GLYAT: variants seen among roughly 807,000 people sequenced by gnomAD.
The protein encoded by GLYAT is glycine N-acyltransferase.
Under a neutral mutation model 22.8 loss-of-function variants are expected in GLYAT, and 25 were observed. The ratio of observed to expected loss-of-function variants is 1.09; its 90% CI spans 0.80 to 1.53. The LOEUF is 1.53. GLYAT is among the 40% of genes most tolerant of loss of function. The pLI, the probability that GLYAT is intolerant of heterozygous loss-of-function variation, is 0.00. For synonymous variants in GLYAT, 140 were observed against 122.7 expected (o/e 1.14, Z -0.93); for missense variants, 411 against 353.9 (o/e 1.16, Z -1.29).
chr11:58,711,074 C>T (rs1388161104), intron 4 of GLYAT, among the ~76,000 whole-genome samples: 3 of 152,180 alleles, frequency 2.0e-5, no homozygotes, highest in African/African-American at 7.2e-5. Flanking sequence ...GTTCTTAGCT[C>T]CCACAGTTTA....
intron 3 of GLYAT, among the ~76,000 whole-genome samples, chr11:58,714,614 A>G (rs1856656824): frequency 6.6e-6 from 1 of 152,084 alleles, no homozygotes. Context: ...CAATTGAATC[A>G]TTGGGGTGGT....
At chr11:58,712,505 G>A (rs1856628396) in intron 4 of GLYAT, among the ~76,000 whole-genome samples, 1 of 152,036 alleles carries the variant, frequency 6.6e-6, no homozygotes. Flanking sequence ...TAAAAGGTCT[G>A]GATACAGCTG....
intron 2 of GLYAT, among the ~76,000 whole-genome samples, chr11:58,721,967 G>T (rs1335022404): frequency 6.6e-6 from 1 of 152,032 alleles, no homozygotes; most frequent in East Asian, 1.9e-4. Flanking sequence ...AGCACCGTAA[G>T]TGTAAGCAGA....
In GLYAT at chr11:58,724,223, T is replaced by C. The variant is rs1204642766; in HGVS notation, c.81+193A>G. 4 of 479,290 alleles carry C rather than the reference T, an allele frequency of 8.3e-6. No homozygotes were observed. The Admixed American group carries it at 1.5e-4, about 18-fold the overall frequency. The allele number at this position is 479,290 out of a possible 1,614,324, so 29.7% of individuals were successfully genotyped here. On this transcript the variant is annotated intron_variant, in intron 2 of 5. Transcript: ENST00000344743. ...TGATATATTGAGAAAATCAGTTAAC[T>C]GAGTCTTCATTTTCTTAACAGCAAC... is the stretch of plus-strand genomic sequence containing the variant.
At chr11:58,711,228 A>C (rs988877644) in intron 4 of GLYAT, among the ~76,000 whole-genome samples, 3 of 152,076 alleles carry the variant, frequency 2.0e-5, no homozygotes, top group Non-Finnish European at 4.4e-5. Flanking sequence ...CTCTGCCTTT[A>C]TCTCTTTTAA....
At chr11:58,730,785 C>G (rs1490265152) in intron 1 of GLYAT, among the ~76,000 whole-genome samples, 1 of 152,144 alleles carries the variant, frequency 6.6e-6, no homozygotes, top group Non-Finnish European at 1.5e-5. Context: ...AAAACAAAAA[C>G]TCTAAACAGA....
At chr11:58,729,371 T>TTA (rs1293193765) in intron 1 of GLYAT, among the ~76,000 whole-genome samples, 1 of 152,206 alleles carries the variant, frequency 6.6e-6, no homozygotes, top group Non-Finnish European at 1.5e-5. Context: ...CATATTTTAA[T>TTA]TATATAACTT....
rs566710444 is a variant in GLYAT, at chr11:58,717,888, A to G, written c.82-2465T>C. Among the ~76,000 whole-genome samples, 171 of 152,214 alleles carry G rather than the reference A, an allele frequency of 1.1e-3. 1 individual carries two copies. Among genetic ancestry groups the G allele is most frequent in the Non-Finnish European group, 2.1e-3 (146 of 67,960 alleles). Reference sequence around the variant, plus strand: ...TGTTCCATAGGAGGAGTCTCAGATAAGACTTTTTATAGCAAAACCTAGCCA... The same window carrying G: ...TGTTCCATAGGAGGAGTCTCAGATAGGACTTTTTATAGCAAAACCTAGCCA... On this transcript the variant is annotated intron_variant, in intron 2 of 5. Coordinates refer to ENST00000344743, the MANE Select transcript of GLYAT (RefSeq NM_201648.3).
chr11:58,710,340 A>G, intron 5 of GLYAT, 172 bp from the exon 6 acceptor site: 7 of 1,166,670 alleles, frequency 6.0e-6, no homozygotes, highest in Admixed American at 2.9e-5. Context: ...GAGCTGTTGG[A>G]GGAAGAAAGC....
Position 58,724,411 on chromosome 11 carries a change from A to G in GLYAT, c.81+5T>C, listed in dbSNP as rs773015018. ...TTTACTCCTCTCAGAATTTTCCATTATCACCTTTAAGGATGCTGGGAGGCT... is the reference window on the plus strand; with the variant it reads ...TTTACTCCTCTCAGAATTTTCCATTGTCACCTTTAAGGATGCTGGGAGGCT... On this transcript the variant is annotated splice_donor_5th_base_variant and intron_variant, in intron 2 of 5. Coordinates refer to ENST00000344743, the MANE Select transcript of GLYAT (RefSeq NM_201648.3). 13 of 1,552,698 alleles carry G rather than the reference A, an allele frequency of 8.4e-6. No homozygotes were observed. In the Admixed American group the frequency reaches 2.2e-4, roughly 27 times the overall value.
rs764065433 is a variant in GLYAT at position 58,709,788 on chromosome 11, T to G, written c.869A>C (p.Gln290Pro). The stretch of plus-strand genomic sequence containing the variant: ...GCATCACAGAGGTACACAGTTCCAC[T>G]GGTTCCAGCTTCTGGGAATGGGAAC... The part of the protein sequence containing the change: ...QHVPIPRSWN[Q>P]WNCVPL Residue 290 changes from glutamine (Q) to proline (P), a missense_variant, in exon 6 of 6, where the codon CAG (glutamine) becomes CCG (proline). Transcript: ENST00000344743. 1.9e-6 allele frequency: 3 copies of G among 1,612,458 alleles called. No homozygotes were observed. The highest frequency in any genetic ancestry group is 2.2e-5 in the East Asian group (1 of 44,882).
chr11:58,711,906 C>T (rs930955527), intron 4 of GLYAT, among the ~76,000 whole-genome samples: 1 of 152,210 alleles, frequency 6.6e-6, no homozygotes, highest in Admixed American at 6.5e-5. Flanking sequence ...TATGTTAAGA[C>T]CAATACCATT....
Position 58,731,837 on chromosome 11 carries a change from G to A in GLYAT, c.-18C>T, listed in dbSNP as rs1204555345. ...GATACTTTGTAATGAGTCCTCACCT[G>A]AAAAGCTAGTCTCTGCAGATGTTTC... On this transcript the variant is annotated splice_region_variant and 5_prime_UTR_variant, in exon 1 of 6. Transcript: ENST00000344743. 17 of 152,098 alleles carry A rather than the reference G, an allele frequency of 1.1e-4. No homozygotes were observed. Among genetic ancestry groups the A allele is most frequent in the Non-Finnish European group, 1.2e-4 (8 of 68,010 alleles). The allele number at this position is 152,098 out of a possible 1,614,324, so 9.4% of individuals were successfully genotyped here. A position where few individuals can be genotyped will look rare whatever the true frequency, so the allele number is the denominator to read the frequency against.
intron 2 of GLYAT, among the ~76,000 whole-genome samples, chr11:58,722,020 A>G (rs1265945783): frequency 6.6e-6 from 1 of 152,098 alleles, no homozygotes; most frequent in African/African-American, 2.4e-5. Flanking sequence ...TTAGTTGTGT[A>G]AAAAGTAAAG....
chr11:58,711,904 G>A (rs140360022), intron 4 of GLYAT, among the ~76,000 whole-genome samples: 255 of 152,322 alleles, frequency 1.7e-3, no homozygotes, highest in African/African-American at 5.5e-3. Flanking sequence ...ATTATGTTAA[G>A]ACCAATACCA....
chr11:58,715,695 G>A (rs1856671647), intron 2 of GLYAT, among the ~76,000 whole-genome samples: 1 of 152,032 alleles, frequency 6.6e-6, no homozygotes, highest in Non-Finnish European at 1.5e-5. Context: ...ACTGATATTT[G>A]CTATTTTTCA....
intron 1 of GLYAT, among the ~76,000 whole-genome samples, chr11:58,727,320 G>T (rs1856821129): frequency 6.6e-6 from 1 of 152,152 alleles, no homozygotes. Context: ...ATGAATAACA[G>T]GAAGTGTGTG....
Position 58,710,779 on chromosome 11 carries a change from C to CA in GLYAT, c.317-19dup. ...CTGTGAACCTAGACGGTATAATAAA[C>CA]AGAGATGAAATGGTTTAGGTATATT... On this transcript the variant is annotated intron_variant, in intron 4 of 5. Transcript: ENST00000344743. 1 of 1,424,270 alleles carries CA rather than the reference C, an allele frequency of 7.0e-7. No homozygotes were observed. Among genetic ancestry groups the CA allele is most frequent in the Non-Finnish European group, 9.9e-7 (1 of 1,007,186 alleles). 88.2% of individuals were successfully genotyped at this position (1,424,270 alleles called of 1,614,324 possible). A position where few individuals can be genotyped will look rare whatever the true frequency, so the allele number is the denominator to read the frequency against.
chr11:58,720,507 C>A (rs932561570), intron 2 of GLYAT, among the ~76,000 whole-genome samples: 2 of 152,038 alleles, frequency 1.3e-5, no homozygotes, highest in Non-Finnish European at 2.9e-5. Context: ...AAGCTGTCCT[C>A]ATTCATTCCT....
Sources: gnomAD v4.1 joint callset for allele counts (sites outside exome capture counted in the v4.1 genomes callset) on GRCh38, gnomAD v4.1.1 for gene constraint, MANE v1.5 for transcripts, NCBI Gene and HGNC (gene_info 2026-07-23, HGNC 2026-07-21) for gene names.